ZNF366: variants seen among roughly 807,000 people sequenced by gnomAD.
ZNF366 encodes dendritic cell-specific transcript protein.
In ZNF366, 20 loss-of-function variants were observed where a neutral mutation model predicts 47.2. That is an observed-to-expected ratio of 0.42 (90% CI 0.30 to 0.62). ZNF366 has a LOEUF of 0.62. Ranked by LOEUF, ZNF366 falls within the 20% of genes least tolerant of loss-of-function variation. ZNF366 has a pLI of 0.16. For missense variants in ZNF366, 987 were observed against 976.3 expected (o/e 1.01, Z -0.15); for synonymous variants, 421 against 395.1 (o/e 1.07, Z -0.78).
chr5:72,472,072 G>A (rs1028111500), intron 1 of ZNF366, among the ~76,000 whole-genome samples: 1 of 152,188 alleles, frequency 6.6e-6, no homozygotes, highest in Non-Finnish European at 1.5e-5. Flanking sequence ...AGACTGTGAG[G>A]AACTGCCCTG....
intron 1 of ZNF366, among the ~76,000 whole-genome samples, chr5:72,462,547 C>CTTTCTTT (rs11275151): frequency 2.5e-5 from 2 of 78,930 alleles, no homozygotes; most frequent in Non-Finnish European, 4.5e-5. Context: ...TTCTTTCTTT[C>CTTTCTTT]TTTTTTTTTT....
At chr5:72,447,187 G>A in intron 4 of ZNF366, 56 bp downstream of exon 4, 1 of 1,592,058 alleles carries the variant, frequency 6.3e-7, no homozygotes. Flanking sequence ...AACGAATTCA[G>A]CTCCCATTTG....
At chr5:72,503,624 C>A (rs1054413752) in intron 1 of ZNF366, among the ~76,000 whole-genome samples, 2 of 152,004 alleles carry the variant, frequency 1.3e-5, no homozygotes, top group African/African-American at 4.8e-5. Context: ...GAGATCCAAG[C>A]AAGTAAAGCA....
chr5:72,473,813 C>G (rs1254470767), intron 1 of ZNF366, among the ~76,000 whole-genome samples: 1 of 152,146 alleles, frequency 6.6e-6, no homozygotes, highest in Admixed American at 6.5e-5. Context: ...TGCTTAAGCT[C>G]CCTGCAGCCT....
chr5:72,443,520 T>C lies in ZNF366; in HGVS notation c.*236A>G, dbSNP rs1742896359. The C allele has an allele frequency of 4.2e-6, 2 of 476,660 alleles. No homozygotes were observed. Among genetic ancestry groups the C allele is most frequent in the Admixed American group, 7.5e-5 (2 of 26,518 alleles). The allele number at this position is 476,660 out of a possible 1,614,324, so 29.5% of individuals were successfully genotyped here. A position where few individuals can be genotyped will look rare whatever the true frequency, so the allele number is the denominator to read the frequency against. On this transcript the variant is annotated 3_prime_UTR_variant, in exon 5 of 5. Transcript: ENST00000318442. ...CTGGAAGAATACTCACAGTTTATTA[T>C]ACTGGCAATGCATAAAACGCCACTG...
intron 1 of ZNF366, among the ~76,000 whole-genome samples, chr5:72,481,318 T>A (rs1580248120): frequency 1.3e-5 from 2 of 152,330 alleles, no homozygotes; most frequent in Admixed American, 1.3e-4. Flanking sequence ...GGCTGAAATA[T>A]CTAAGAAAGA....
At position 72,463,921 on chromosome 5, in the gene ZNF366, G is replaced by T. The variant is rs532551890; in HGVS notation, c.-14-2411C>A. On this transcript the variant is annotated intron_variant, in intron 1 of 4. Coordinates refer to ENST00000318442, the MANE Select transcript of ZNF366 (RefSeq NM_152625.3). ...GTCCTGCTGAATTGGAGGGGAAAAT[G>T]GAAGATCCTTTCCCTATTATTTCAT... Among the ~76,000 whole-genome samples, 4 of 152,258 alleles carry T rather than the reference G, an allele frequency of 2.6e-5. No individual in the cohort carries two copies. In the South Asian group the frequency reaches 8.3e-4, roughly 32 times the overall value.
intron 1 of ZNF366, among the ~76,000 whole-genome samples, chr5:72,487,838 C>T (rs1255602088): frequency 6.6e-6 from 1 of 152,134 alleles, no homozygotes; most frequent in South Asian, 2.1e-4. Flanking sequence ...GAAATTCTAC[C>T]TGTGGCAGAC....
intron 1 of ZNF366, among the ~76,000 whole-genome samples, chr5:72,471,133 C>T (rs968461928): frequency 3.9e-5 from 6 of 152,140 alleles, no homozygotes; most frequent in Admixed American, 6.5e-5. Flanking sequence ...GCAGATTCCC[C>T]GTGACTCTCC....
intron 1 of ZNF366, among the ~76,000 whole-genome samples, chr5:72,474,770 G>T (rs1374283773): frequency 6.6e-6 from 1 of 152,022 alleles, no homozygotes; most frequent in Non-Finnish European, 1.5e-5. Flanking sequence ...CAAAGATATA[G>T]TTCCCTTAGC....
intron 1 of ZNF366, among the ~76,000 whole-genome samples, chr5:72,462,337 T>A (rs766588591): frequency 2.0e-5 from 3 of 152,128 alleles, no homozygotes; most frequent in Non-Finnish European, 2.9e-5. Context: ...GGTCTCTCCT[T>A]TCAGACAGGT....
chr5:72,484,941 T>G (rs1329497613), intron 1 of ZNF366, among the ~76,000 whole-genome samples: 1 of 147,386 alleles, frequency 6.8e-6, no homozygotes, highest in Non-Finnish European at 1.5e-5. Flanking sequence ...ATATTTCCAG[T>G]GCTTTGTTCA....
At chr5:72,475,885 C>T (rs1416394838) in intron 1 of ZNF366, among the ~76,000 whole-genome samples, 1 of 152,100 alleles carries the variant, frequency 6.6e-6, no homozygotes, top group Admixed American at 6.6e-5. Context: ...CACGGTGACA[C>T]CATGCCGTCA....
chr5:72,499,963 C>T (rs1162970251), intron 1 of ZNF366, among the ~76,000 whole-genome samples: 1 of 152,190 alleles, frequency 6.6e-6, no homozygotes, highest in Non-Finnish European at 1.5e-5. Flanking sequence ...CTTCCCCCAC[C>T]CCTCCAACAA....
chr5:72,489,330 A>C (rs896183903), intron 1 of ZNF366, among the ~76,000 whole-genome samples: 7 of 152,238 alleles, frequency 4.6e-5, no homozygotes, highest in Admixed American at 3.3e-4. Context: ...TAGGGCCCAA[A>C]GGTAAGATGA....
At chr5:72,445,009 G>T (rs747243325) in intron 4 of ZNF366, among the ~76,000 whole-genome samples, 26 of 152,082 alleles carry the variant, frequency 1.7e-4, no homozygotes, top group Admixed American at 6.5e-5. Context: ...AAAACAAAGA[G>T]AACCTATTTG....
At chr5:72,461,991 G>C (rs528357556) in intron 1 of ZNF366, among the ~76,000 whole-genome samples, 1 of 152,310 alleles carries the variant, frequency 6.6e-6, no homozygotes, top group South Asian at 2.1e-4. Context: ...ATGGTGATTG[G>C]AAAGTGACTT....
At chr5:72,479,082 C>T (rs915436268) in intron 1 of ZNF366, among the ~76,000 whole-genome samples, 2 of 152,188 alleles carry the variant, frequency 1.3e-5, no homozygotes, top group African/African-American at 4.8e-5. Context: ...TATCCCAGAC[C>T]TAGCTCTTGC....
chr5:72,487,136 C>T (rs1421554621), intron 1 of ZNF366, among the ~76,000 whole-genome samples: 1 of 152,208 alleles, frequency 6.6e-6, no homozygotes, highest in Non-Finnish European at 1.5e-5. Flanking sequence ...CTTTGACAAC[C>T]AGCTCTTCCA....
Sources: allele counts gnomAD v4.1 joint callset (sites outside exome capture counted in the v4.1 genomes callset), GRCh38; gene constraint gnomAD v4.1.1; transcripts MANE v1.5; gene names NCBI Gene and HGNC (gene_info 2026-07-23, HGNC 2026-07-21).